The following URM1 variants were observed in gnomAD, a reference collection of about 807,000 sequenced individuals.
URM1 encodes ubiquitin related modifier 1.
A neutral mutation model predicts 17.7 loss-of-function variants in URM1; 11 were observed. The observed-to-expected ratio is 0.62, with a 90% CI of 0.39 to 1.03. URM1 has a LOEUF of 1.03. URM1 is among the 50% of genes least tolerant of loss of function. URM1 has a pLI of 0.00. For missense variants in URM1, 128 were observed against 129.2 expected (o/e 0.99, Z 0.04); for synonymous variants, 48 against 50.6 (o/e 0.95, Z 0.22).
upstream of URM1, chr9:128,371,365 G>A: frequency 6.2e-7 from 1 of 1,613,066 alleles, no homozygotes; most frequent in Non-Finnish European, 8.5e-7. Context: ...TTTCCTGCGA[G>A]CTCGGCTTCC....
chr9:128,390,196 T>G lies in URM1; in HGVS notation c.*462T>G. The stretch of plus-strand genomic sequence containing the variant: ...AGACTGGAGGCTTCTCAGCCTCAAT[T>G]TCCCTGTCTGTACAGCTGAGGGCTC... On this transcript the variant is annotated 3_prime_UTR_variant, in exon 5 of 5. Coordinates refer to ENST00000372853, the MANE Select transcript of URM1 (RefSeq NM_030914.4). 1 of 180,320 alleles carries G rather than the reference T, an allele frequency of 5.5e-6. No individual in the cohort carries two copies. Among genetic ancestry groups the G allele is most frequent in the Non-Finnish European group, 1.2e-5 (1 of 86,038 alleles). The allele number at this position is 180,320 out of a possible 1,614,324, so 11.2% of individuals were successfully genotyped here.
At chr9:128,377,198 A>G (rs61547858) in intron 1 of URM1, among the ~76,000 whole-genome samples, 6,581 of 152,076 alleles carry the variant, frequency 0.043, 259 homozygotes, top group East Asian at 0.18. Flanking sequence ...TAAAAATTAT[A>G]TCCTACCTTG....
chr9:128,385,110 G>A (rs1402112189), intron 2 of URM1, among the ~76,000 whole-genome samples: 6 of 152,118 alleles, frequency 3.9e-5, no homozygotes, highest in Non-Finnish European at 7.4e-5. Flanking sequence ...GAGCAGGCCC[G>A]TTCTCAAGGC....
chr9:128,387,929 G>T lies in URM1; in HGVS notation c.188+32G>T, dbSNP rs778877255. The T allele has an allele frequency of 6.2e-7, 1 of 1,613,390 alleles. No individual in the cohort carries two copies. The highest frequency in any genetic ancestry group is 2.2e-5 in the East Asian group (1 of 44,878). ...CCCACTCCTCCCTTCCCTGAAGCAG[G>T]TGGAGGGAGGGACGGATATTTGAGC... On this transcript the variant is annotated intron_variant, in intron 3 of 4. Transcript: ENST00000372853. The surrounding 1 kb of genome is among the most constrained non-coding windows in gnomAD (Gnocchi z 4.3).
chr9:128,381,241 C>T (rs1186792721), intron 2 of URM1, among the ~76,000 whole-genome samples: 1 of 152,092 alleles, frequency 6.6e-6, no homozygotes, highest in Non-Finnish European at 1.5e-5. Flanking sequence ...TGGTCCTTGC[C>T]CTAGTAGAGT....
chr9:128,376,961 G>A (rs1387421263), intron 1 of URM1, among the ~76,000 whole-genome samples: 1 of 152,018 alleles, frequency 6.6e-6, no homozygotes, highest in Non-Finnish European at 1.5e-5. Context: ...ACTCCATGCT[G>A]GGTGACAAAG....
At position 128,389,573 on chromosome 9, in the gene URM1, G is replaced by A; in HGVS notation, c.238-93G>A. 1.9e-6 allele frequency: 3 copies of A among 1,580,714 alleles called. No individual in the cohort carries two copies. The Admixed American group carries it at 5.4e-5, about 28-fold the overall frequency. On this transcript the variant is annotated intron_variant, in intron 4 of 4. Coordinates refer to ENST00000372853, the MANE Select transcript of URM1 (RefSeq NM_030914.4). The stretch of plus-strand genomic sequence containing the variant: ...TCTGGTAGAGTCTGTCTCTTCCAGA[G>A]CAGCCAGTCCTCAGCCCCTGTTCTC...
chr9:128,378,505 T>C (rs1157886800), intron 2 of URM1, among the ~76,000 whole-genome samples: 5 of 128,544 alleles, frequency 3.9e-5, no homozygotes, highest in Non-Finnish European at 7.7e-5. Flanking sequence ...ATCATGCCAC[T>C]GTACTCTAGC....
intron 1 of URM1, among the ~76,000 whole-genome samples, chr9:128,373,570 C>T (rs189089157): frequency 6.6e-6 from 1 of 152,300 alleles, no homozygotes; most frequent in East Asian, 1.9e-4. Flanking sequence ...CCACGTCTGC[C>T]ACCCTTTGTC....
intron 2 of URM1, among the ~76,000 whole-genome samples, chr9:128,382,445 G>A (rs1029426221): frequency 2.5e-4 from 38 of 152,138 alleles, no homozygotes; most frequent in Non-Finnish European, 5.9e-5. Context: ...TTGGCCAAGC[G>A]AGTCTTGGAG....
At position 128,390,128 on chromosome 9, in the gene URM1, T is replaced by A; in HGVS notation, c.*394T>A. ...AGAGCCAGCGTCTTCATGGGGAAGA[T>A]GAATGGACCTGAGTAGCTGAAGGAA... On this transcript the variant is annotated 3_prime_UTR_variant, in exon 5 of 5. Coordinates refer to ENST00000372853, the MANE Select transcript of URM1 (RefSeq NM_030914.4). 2 of 248,238 alleles carry A rather than the reference T, an allele frequency of 8.1e-6. No individual in the cohort carries two copies. Among genetic ancestry groups the A allele is most frequent in the Non-Finnish European group, 1.6e-5 (2 of 127,876 alleles). The allele number at this position is 248,238 out of a possible 1,614,324, so 15.4% of individuals were successfully genotyped here.
chr9:128,384,790 G>T (rs149040304), intron 2 of URM1, among the ~76,000 whole-genome samples: 211 of 152,168 alleles, frequency 1.4e-3, no homozygotes, highest in African/African-American at 4.9e-3. Flanking sequence ...ACAAAAAAAG[G>T]AAGCCGAGGC....
Position 128,389,894 on chromosome 9 carries a change from A to C in URM1, c.*160A>C. The C allele has an allele frequency of 1.0e-6, 1 of 980,300 alleles. No individual in the cohort carries two copies. Among genetic ancestry groups the C allele is most frequent in the Non-Finnish European group, 1.5e-6 (1 of 679,940 alleles). The allele number at this position is 980,300 out of a possible 1,614,324, so 60.7% of individuals were successfully genotyped here. ...GCAGGGAAAAGAGGCCAGGTGCTAA[A>C]AATGAGCCTTTCTCAAGCACGTGAG... On this transcript the variant is annotated 3_prime_UTR_variant, in exon 5 of 5. Coordinates refer to ENST00000372853, the MANE Select transcript of URM1 (RefSeq NM_030914.4).
intron 2 of URM1, among the ~76,000 whole-genome samples, chr9:128,381,003 T>C (rs1206220686): frequency 1.3e-5 from 2 of 152,086 alleles, no homozygotes; most frequent in Admixed American, 1.3e-4. Flanking sequence ...TTTTTGTATT[T>C]TTAGAAGAGA....
intron 3 of URM1, chr9:128,388,116 A>G: frequency 7.5e-7 from 1 of 1,333,110 alleles, no homozygotes; most frequent in Non-Finnish European, 9.6e-7. Context: ...TGAATTTCTC[A>G]GAAAACTTGG....
chr9:128,378,185 A>G (rs1833103363), intron 2 of URM1, 79 bp downstream of exon 2: 2 of 1,009,532 alleles, frequency 2.0e-6, no homozygotes, highest in Non-Finnish European at 3.0e-6. Flanking sequence ...AGCCCCGTTC[A>G]GGCCTGTGTT....
At position 128,389,786 on chromosome 9, in the gene URM1, A is replaced by C. The variant is rs1189313018; in HGVS notation, c.*52A>C. The C allele has an allele frequency of 2.5e-6, 4 of 1,611,082 alleles. No individual in the cohort carries two copies. Among genetic ancestry groups the C allele is most frequent in the Non-Finnish European group, 3.4e-6 (4 of 1,178,600 alleles). On this transcript the variant is annotated 3_prime_UTR_variant, in exon 5 of 5. Transcript: ENST00000372853. ...TTAGAGGGGAGAACGAAGCAATCAG[A>C]CATCCCCTTGGGCCCTGCTTCCAGG...
intron 1 of URM1, among the ~76,000 whole-genome samples, chr9:128,377,688 T>G (rs1057253222): frequency 6.6e-6 from 1 of 152,040 alleles, no homozygotes; most frequent in African/African-American, 2.4e-5. Flanking sequence ...AAATTAAATA[T>G]AAACATAAAT....
At chr9:128,389,198 C>T in intron 3 of URM1, 63 bp from the exon 4 acceptor site, 5 of 1,539,232 alleles carry the variant, frequency 3.2e-6, no homozygotes, top group African/African-American at 1.4e-5. Flanking sequence ...CTCAGCCTCT[C>T]TTCCTCTGTG....
Sources: allele counts gnomAD v4.1 joint callset (sites outside exome capture counted in the v4.1 genomes callset), GRCh38; gene constraint gnomAD v4.1.1; non-coding constraint Gnocchi (gnomAD v3.1); transcripts MANE v1.5; gene names NCBI Gene and HGNC (gene_info 2026-07-23, HGNC 2026-07-21).